Variants in NUCB1 observed in about 807,000 individuals in gnomAD.
The protein encoded by NUCB1 is nucleobindin 1, also known as nucleobindin-1.
In NUCB1, 47 loss-of-function variants were observed where a neutral mutation model predicts 61.2. The observed-to-expected ratio is 0.77, with a 90% CI of 0.61 to 0.98. The LOEUF is 0.98. Ranked by LOEUF, NUCB1 falls within the 50% of genes least tolerant of loss-of-function variation. The probability of loss-of-function intolerance (pLI) is 0.00; values close to 1 mark genes in which losing one functional copy is unlikely to be tolerated. For synonymous variants in NUCB1, 234 were observed against 243.1 expected (o/e 0.96, Z 0.35); for missense variants, 583 against 605.3 (o/e 0.96, Z 0.39).
At chr19:48,921,724 A>G in intron 11 of NUCB1, 103 bp from the exon 12 acceptor site, 2 of 1,101,964 alleles carry the variant, frequency 1.8e-6, no homozygotes, top group Non-Finnish European at 2.8e-6. Flanking sequence ...GGCCGTGACC[A>G]CTTAGCAGGC....
At chr19:48,920,901 G>GAACTCCTGGCGTC (rs1231495112) in intron 10 of NUCB1, among the ~76,000 whole-genome samples, 2 of 152,044 alleles carry the variant, frequency 1.3e-5, no homozygotes, top group African/African-American at 4.8e-5. Flanking sequence ...GGCTGACCTT[G>GAACTCCTGGCGTC]AACTCCTGGC....
intron 12 of NUCB1, among the ~76,000 whole-genome samples, 181 bp downstream of exon 12, chr19:48,922,113 G>GTC (rs1292152796): frequency 2.0e-5 from 3 of 149,742 alleles, no homozygotes; most frequent in African/African-American, 7.4e-5. Flanking sequence ...GGGGCTGGGG[G>GTC]CTGGGACCCC....
At chr19:48,901,260 T>C (rs2037351056) in intron 2 of NUCB1, 1 of 483,098 alleles carries the variant, frequency 2.1e-6, no homozygotes, top group East Asian at 4.0e-5. Flanking sequence ...TAGCAGTTGA[T>C]GTTGGCTAGC....
At position 48,919,301 on chromosome 19, in the gene NUCB1, G is replaced by C; in HGVS notation, c.1002+15G>C. The stretch of plus-strand genomic sequence containing the variant: ...AGGGCTGGGAGGTGAGAACATGGGG[G>C]ATACTCGGGGTCCTGAACCTCTCTC... On this transcript the variant is annotated intron_variant, in intron 10 of 12. Coordinates refer to ENST00000405315, the MANE Select transcript of NUCB1 (RefSeq NM_006184.6). 6.3e-7 allele frequency: 1 copy of C among 1,588,410 alleles called. No homozygotes were observed. Among genetic ancestry groups the C allele is most frequent in the Non-Finnish European group, 8.6e-7 (1 of 1,157,150 alleles).
At chr19:48,902,483 T>G (rs1226425377) in intron 2 of NUCB1, among the ~76,000 whole-genome samples, 1 of 149,774 alleles carries the variant, frequency 6.7e-6, no homozygotes, top group African/African-American at 2.5e-5. Context: ...GTGCAATCAC[T>G]GCAATCTCCA....
intron 10 of NUCB1, among the ~76,000 whole-genome samples, chr19:48,920,142 C>G (rs145212494): frequency 1.3e-5 from 2 of 152,008 alleles, no homozygotes; most frequent in Non-Finnish European, 2.9e-5. Context: ...CTCCTGGACT[C>G]AAGCTATCCA....
Position 48,904,374 on chromosome 19 carries a change from C to G in NUCB1, c.163C>G (p.Leu55Val). The G allele has an allele frequency of 6.2e-7, 1 of 1,613,670 alleles. No individual in the cohort carries two copies. The highest frequency in any genetic ancestry group is 8.5e-7 in the Non-Finnish European group (1 of 1,179,728). ...CACAGGCCTGTACTACCACCGGTACCTCCAGGAGGTCATCGATGTACTGGA... is the reference window on the plus strand; with the variant it reads ...CACAGGCCTGTACTACCACCGGTACGTCCAGGAGGTCATCGATGTACTGGA... ...PDTGLYYHRY[L>V]QEVIDVLETD... Residue 55 changes from leucine to valine, a missense_variant, in exon 3 of 13, where the codon CTC (leucine) becomes GTC (valine). Leu to Val is a conservative substitution (Grantham distance 32). Coordinates refer to ENST00000405315, the MANE Select transcript of NUCB1 (RefSeq NM_006184.6).
chr19:48,905,361 T>G (rs935500631), intron 3 of NUCB1, among the ~76,000 whole-genome samples: 2 of 152,162 alleles, frequency 1.3e-5, no homozygotes, highest in African/African-American at 4.8e-5. Context: ...CGTATCAGGA[T>G]CTGTCCTTCT....
chr19:48,904,989 G>A lies in NUCB1; in HGVS notation c.243+535G>A, dbSNP rs1005596351. ...GAGTCCCGTGGGCAGGCTTTCAGTC[G>A]CAGCTCCGCCGCTTACCAGCTATGG... On this transcript the variant is annotated intron_variant, in intron 3 of 12. Coordinates refer to ENST00000405315, the MANE Select transcript of NUCB1 (RefSeq NM_006184.6). Among the ~76,000 whole-genome samples, 4 of 152,202 alleles carry A rather than the reference G, an allele frequency of 2.6e-5. No individual in the cohort carries two copies. The East Asian group carries it at 5.8e-4, about 22-fold the overall frequency.
intron 11 of NUCB1, among the ~76,000 whole-genome samples, chr19:48,921,548 A>G (rs1173335370): frequency 6.6e-6 from 1 of 152,032 alleles, no homozygotes. Context: ...GTGAGGAGGG[A>G]AAGGCCCAGG....
At chr19:48,907,336 C>T (rs1371834575) in intron 4 of NUCB1, among the ~76,000 whole-genome samples, 7 of 119,298 alleles carry the variant, frequency 5.9e-5, no homozygotes, top group Non-Finnish European at 6.9e-5. Context: ...ACTACAGTGG[C>T]GCGATCTCGG....
chr19:48,907,770 C>A (rs759975629), intron 4 of NUCB1, among the ~76,000 whole-genome samples: 5 of 152,240 alleles, frequency 3.3e-5, no homozygotes, highest in Non-Finnish European at 7.3e-5. Context: ...CTCAGGCCCG[C>A]ATTCATGTTC....
chr19:48,911,032 A>T, intron 4 of NUCB1, 117 bp from the exon 5 acceptor site: 1 of 687,400 alleles, frequency 1.5e-6, no homozygotes, highest in Non-Finnish European at 2.6e-6. Flanking sequence ...CCCCAGGTTC[A>T]AGCTGTCTTC....
chr19:48,921,133 G>A lies in NUCB1; in HGVS notation c.1003-21G>A, dbSNP rs772399818. Reference sequence around the variant, plus strand: ...CGAGGTTGGACCTGTGCCCCTGATGGCCCCTGTGCCTGCCCTGCAGACAGT... The same window carrying A: ...CGAGGTTGGACCTGTGCCCCTGATGACCCCTGTGCCTGCCCTGCAGACAGT... On this transcript the variant is annotated intron_variant, in intron 10 of 12. Coordinates refer to ENST00000405315, the MANE Select transcript of NUCB1 (RefSeq NM_006184.6). 3.8e-6 allele frequency: 6 copies of A among 1,584,910 alleles called. No individual in the cohort carries two copies. The East Asian group carries it at 1.1e-4, about 30-fold the overall frequency.
Position 48,919,276 on chromosome 19 carries a change from A to T in NUCB1, c.992A>T (p.Glu331Val). The T allele has an allele frequency of 6.2e-7, 1 of 1,613,016 alleles. No homozygotes were observed. Among genetic ancestry groups the T allele is most frequent in the Non-Finnish European group, 8.5e-7 (1 of 1,179,242 alleles). Reference sequence around the variant, plus strand: ...AGGAAGGAGTTTGGGGACACCGGGGAGGGCTGGGAGGTGAGAACATGGGGG... The same window carrying T: ...AGGAAGGAGTTTGGGGACACCGGGGTGGGCTGGGAGGTGAGAACATGGGGG... Reference protein sequence around the residue: ...TQRKEFGDTGEGWETVEMHPA... With the variant: ...TQRKEFGDTGVGWETVEMHPA... Residue 331 changes from glutamate (E) to valine (V), a missense_variant, in exon 10 of 13, where the codon GAG becomes GTG. By Grantham distance (121) the Glu-to-Val change is moderately radical (BLOSUM62 -2). Transcript: ENST00000405315.
intron 7 of NUCB1, among the ~76,000 whole-genome samples, chr19:48,915,251 G>T (rs138332783): frequency 1.2e-4 from 18 of 152,260 alleles, no homozygotes; most frequent in African/African-American, 3.8e-4. Context: ...GGCCTAGGCG[G>T]GTGGGTCCCT....
chr19:48,910,851 C>T, intron 4 of NUCB1: 1 of 249,540 alleles, frequency 4.0e-6, no homozygotes. Context: ...ATCATAAAAC[C>T]CTTGTTGTCA....
rs1281302022 is a variant in NUCB1 at position 48,921,871 on chromosome 19, G to A, written c.1218G>A (p.Gln406=). 6.2e-7 allele frequency: 1 copy of A among 1,612,782 alleles called. No homozygotes were observed. Among genetic ancestry groups the A allele is most frequent in the Non-Finnish European group, 8.5e-7 (1 of 1,179,914 alleles). Residue 406 remains glutamine (Q), a synonymous_variant, in exon 12 of 13, where the codon CAG becomes CAA. Transcript: ENST00000405315. ...MEQRKQQQQQ[Q]QGHKAPAAHP... The stretch of plus-strand genomic sequence containing the variant: ...AGCGGAAGCAGCAGCAGCAGCAGCA[G>A]CAAGGCCACAAGGCCCCGGCTGCCC...
intron 7 of NUCB1, 137 bp downstream of exon 7, chr19:48,913,701 A>G (rs1045383582): frequency 4.4e-6 from 3 of 677,898 alleles, no homozygotes; most frequent in South Asian, 1.8e-5. Flanking sequence ...CCCCTGGTTG[A>G]CCAGACAGCC....
Sources: allele counts gnomAD v4.1 joint callset (sites outside exome capture counted in the v4.1 genomes callset), GRCh38; gene constraint gnomAD v4.1.1; transcripts MANE v1.5; gene names NCBI Gene and HGNC (gene_info 2026-07-23, HGNC 2026-07-21).